The following STMN1 variants were observed in gnomAD, a reference collection of about 807,000 sequenced individuals.
The protein encoded by STMN1 is stathmin 1.
In STMN1, 3 loss-of-function variants were observed where a neutral mutation model predicts 19.7. The ratio of observed to expected loss-of-function variants is 0.15; its 90% CI spans 0.07 to 0.39. STMN1 has a LOEUF of 0.39. Among genes scored for constraint, STMN1 ranks in the 10% least tolerant of loss-of-function variants. The pLI is 1.00. For synonymous variants in STMN1, 59 were observed against 58.9 expected (o/e 1.00, Z -0.01); for missense variants, 99 against 176.0 (o/e 0.56, Z 2.48).
chr1:25,900,678 G>GAGAGGC lies in STMN1; in HGVS notation c.*337_*338insGCCTCT. 1 of 1,040,436 alleles carries GAGAGGC rather than the reference G, an allele frequency of 9.6e-7. No individual in the cohort carries two copies. Among genetic ancestry groups the GAGAGGC allele is most frequent in the South Asian group, 4.2e-5 (1 of 23,962 alleles). The allele number at this position is 1,040,436 out of a possible 1,614,324, so 64.5% of individuals were successfully genotyped here. On this transcript the variant is annotated 3_prime_UTR_variant, in exon 5 of 5. Transcript: ENST00000455785. Reference sequence around the variant, plus strand: ...ATATTCAGCATCTAACAGTTCAAAAGAAGCCACTACATACTCTTTTCACAA... The same window carrying GAGAGGC: ...ATATTCAGCATCTAACAGTTCAAAAGAGAGGCAAGCCACTACATACTCTTTTCACAA...
intron 4 of STMN1, chr1:25,892,524 T>C (rs2048784950): frequency 6.1e-6 from 6 of 985,336 alleles, no homozygotes; most frequent in Non-Finnish European, 7.2e-6. Context: ...CTCAGATTCC[T>C]TCTTTAAACA....
At chr1:25,896,073 A>G (rs2048816076), downstream of STMN1, among the ~76,000 whole-genome samples, 1 of 152,186 alleles carries the variant, frequency 6.6e-6, no homozygotes, top group South Asian at 2.1e-4. Context: ...CTGGGGAGAC[A>G]CTTGAATTAA....
intron 3 of STMN1, chr1:25,902,436 CAG>C (rs2048886866): frequency 6.6e-6 from 1 of 152,150 alleles, no homozygotes; most frequent in African/African-American, 2.4e-5. Context: ...CTATTTAAGA[CAG>C]AAAAATTTGT....
At chr1:25,899,725 C>G (rs891979870), downstream of STMN1, among the ~76,000 whole-genome samples, 29 of 152,024 alleles carry the variant, frequency 1.9e-4, no homozygotes, top group African/African-American at 7.0e-4. Context: ...TCCTAACAAT[C>G]TTAGGAGGTA....
At chr1:25,899,471 C>G (rs1210952201), downstream of STMN1, among the ~76,000 whole-genome samples, 5 of 152,232 alleles carry the variant, frequency 3.3e-5, no homozygotes, top group African/African-American at 1.2e-4. Context: ...TATACTTGCA[C>G]TTGCTCCTAT....
chr1:25,899,882 C>T (rs531784400), downstream of STMN1, among the ~76,000 whole-genome samples: 2 of 152,120 alleles, frequency 1.3e-5, no homozygotes, highest in African/African-American at 4.8e-5. Context: ...AAGTGCTTGG[C>T]TTCCAAGAGC....
At chr1:25,892,763 A>G (rs1421333963) in intron 4 of STMN1, among the ~76,000 whole-genome samples, 1 of 152,174 alleles carries the variant, frequency 6.6e-6, no homozygotes, top group African/African-American at 2.4e-5. Flanking sequence ...GCCTCCCTTC[A>G]AGGGTGGTGC....
intron 1 of STMN1, 60 bp from the exon 2 acceptor site, chr1:25,904,798 C>A: frequency 5.2e-6 from 7 of 1,354,852 alleles, no homozygotes; most frequent in Admixed American, 5.2e-5. Context: ...TGTCATCAAC[C>A]CAAAAAAATC....
At chr1:25,905,177 G>C (rs2048924022) in intron 1 of STMN1, 1 of 153,418 alleles carries the variant, frequency 6.5e-6, no homozygotes, top group Non-Finnish European at 1.5e-5. Context: ...TGGTGGATAA[G>C]AAAACGCCCA....
At chr1:25,902,385 TAAAAC>T (rs1167810046) in intron 3 of STMN1, 1 of 152,162 alleles carries the variant, frequency 6.6e-6, no homozygotes, top group African/African-American at 2.4e-5. Flanking sequence ...CCATAACTGA[TAAAAC>T]AATGATAGGA....
chr1:25,901,267 C>CT, intron 4 of STMN1, 180 bp from the exon 5 acceptor site: 1 of 1,247,998 alleles, frequency 8.0e-7, no homozygotes, highest in East Asian at 2.5e-5. Context: ...TCCTGGGTCC[C>CT]TTGTAGAACC....
In STMN1 at chr1:25,892,269, AT is replaced by A. The variant is rs969279565; in HGVS notation, c.379-6401del. Among the ~76,000 whole-genome samples the A allele has an allele frequency of 3.9e-5, 6 of 152,156 alleles. 1 individual carries two copies. The highest frequency in any genetic ancestry group is 1.4e-4 in the African/African-American group (6 of 41,510). On this transcript the variant is annotated intron_variant, in intron 4 of 4. Coordinates refer to the STMN1 transcript ENST00000426559. The stretch of plus-strand genomic sequence containing the variant: ...TGGGCATGGTGGTGGGGTGCCTGCA[AT>A]CCCAGCTACTTGGGAGGCTGAGGCA...
intron 4 of STMN1, among the ~76,000 whole-genome samples, chr1:25,890,605 A>C (rs2048763773): frequency 6.6e-6 from 1 of 152,208 alleles, no homozygotes; most frequent in African/African-American, 2.4e-5. Context: ...TTGTGCCTGC[A>C]CGGAATAAAA....
At chr1:25,889,083 CGGA>C in intron 4 of STMN1, 1 of 489,468 alleles carries the variant, frequency 2.0e-6, no homozygotes, top group Non-Finnish European at 4.0e-6. Context: ...AAGGAGACAT[CGGA>C]GGAGAACCAA....
At chr1:25,888,995 C>A in intron 4 of STMN1, 2 of 488,548 alleles carry the variant, frequency 4.1e-6, no homozygotes, top group South Asian at 1.6e-5. Flanking sequence ...ACTTCCTGGT[C>A]AAGAAACAAA....
chr1:25,899,016 T>C (rs976220192), downstream of STMN1, among the ~76,000 whole-genome samples: 7 of 152,196 alleles, frequency 4.6e-5, no homozygotes, highest in Non-Finnish European at 8.8e-5. Context: ...CAAGGTGAAA[T>C]AGAAAAGCCA....
At chr1:25,904,958 C>G (rs1374488811) in intron 1 of STMN1, 1 of 366,394 alleles carries the variant, frequency 2.7e-6, no homozygotes, top group Non-Finnish European at 4.9e-6. Context: ...GTTAACTGAG[C>G]TTTCTCGGTC....
downstream of STMN1, among the ~76,000 whole-genome samples, chr1:25,895,308 G>A (rs574407690): frequency 6.6e-6 from 1 of 151,904 alleles, no homozygotes; most frequent in South Asian, 2.1e-4. Context: ...GGGTTTCACC[G>A]TGTTAGCCAG....
intron 3 of STMN1, 115 bp from the exon 4 acceptor site, chr1:25,901,797 G>A (rs1273997115): frequency 2.0e-6 from 2 of 1,019,570 alleles, no homozygotes; most frequent in Non-Finnish European, 1.4e-6. Flanking sequence ...ATCATTTGAG[G>A]TCAGGAGTTC....
Sources: allele counts gnomAD v4.1 joint callset (sites outside exome capture counted in the v4.1 genomes callset), GRCh38; gene constraint gnomAD v4.1.1; transcripts MANE v1.5; gene names NCBI Gene and HGNC (gene_info 2026-07-23, HGNC 2026-07-21).